Variants in TRAPPC9 observed in about 807,000 individuals in gnomAD.
The protein encoded by TRAPPC9 is trafficking protein particle complex subunit 9.
A neutral mutation model predicts 124.0 loss-of-function variants in TRAPPC9; 83 were observed. The ratio of observed to expected loss-of-function variants is 0.67; its 90% CI spans 0.56 to 0.80. The LOEUF (loss-of-function observed/expected upper bound fraction) is 0.80. TRAPPC9 is among the 30% of genes least tolerant of loss of function. TRAPPC9 has a pLI of 0.00. For synonymous variants in TRAPPC9, 638 were observed against 617.5 expected, an observed-to-expected ratio of 1.03 and a Z score of -0.49; for missense variants, 1,302 against 1,508.3, an observed-to-expected ratio of 0.86 and a Z score of 2.27.
intron 3 of TRAPPC9, among the ~76,000 whole-genome samples, chr8:140,436,910 C>A (rs1200584342): frequency 6.6e-6 from 1 of 152,116 alleles, no homozygotes; most frequent in Non-Finnish European, 1.5e-5. Flanking sequence ...TTTCTTTCCC[C>A]ACTTCTATTT....
At chr8:139,932,265 G>A (rs1833201009) in intron 19 of TRAPPC9, 1 of 454,112 alleles carries the variant, frequency 2.2e-6, no homozygotes, top group Admixed American at 2.4e-5. Flanking sequence ...GCACCACGGG[G>A]CCTCGCTCAG....
At chr8:139,805,735 A>G (rs1824002224) in intron 21 of TRAPPC9, among the ~76,000 whole-genome samples, 1 of 152,202 alleles carries the variant, frequency 6.6e-6, no homozygotes, top group Non-Finnish European at 1.5e-5. Context: ...GACATGTATT[A>G]AAAAGATCAA....
At chr8:140,138,022 C>T (rs1330166426) in intron 17 of TRAPPC9, among the ~76,000 whole-genome samples, 1 of 152,142 alleles carries the variant, frequency 6.6e-6, no homozygotes, top group Admixed American at 6.5e-5. Flanking sequence ...AGCAGCTGAC[C>T]GGGTGCACTG....
At chr8:139,918,654 C>T (rs1170672189) in intron 19 of TRAPPC9, among the ~76,000 whole-genome samples, 1 of 152,248 alleles carries the variant, frequency 6.6e-6, no homozygotes, top group Non-Finnish European at 1.5e-5. Context: ...GGAGCTTCTC[C>T]CTCCATCCCA....
intron 17 of TRAPPC9, among the ~76,000 whole-genome samples, chr8:140,060,651 C>T (rs983235422): frequency 2.6e-5 from 4 of 151,932 alleles, no homozygotes; most frequent in African/African-American, 4.8e-5. Flanking sequence ...CGGGCACTAC[C>T]GAATTGGCTT....
chr8:139,870,905 G>A (rs1244004722), intron 21 of TRAPPC9, among the ~76,000 whole-genome samples: 1 of 152,222 alleles, frequency 6.6e-6, no homozygotes, highest in African/African-American at 2.4e-5. Flanking sequence ...CATGCAGTGG[G>A]AGAAAGGCTT....
chr8:140,177,878 T>C (rs2062105279), intron 17 of TRAPPC9, among the ~76,000 whole-genome samples: 2 of 152,156 alleles, frequency 1.3e-5, no homozygotes, highest in African/African-American at 4.8e-5. Context: ...GCACATCTTT[T>C]CTTAAATTTA....
chr8:139,992,710 T>A (rs989531379), intron 18 of TRAPPC9, among the ~76,000 whole-genome samples: 2 of 148,952 alleles, frequency 1.3e-5, no homozygotes, highest in African/African-American at 5.0e-5. Context: ...CTTGGGGCAG[T>A]GACAGAGAAA....
intron 9 of TRAPPC9, among the ~76,000 whole-genome samples, chr8:140,327,326 T>C (rs1188469208): frequency 6.6e-6 from 1 of 152,152 alleles, no homozygotes; most frequent in African/African-American, 2.4e-5. Flanking sequence ...AAATAGTACA[T>C]CTGCTGTGCC....
At chr8:140,330,923 C>T (rs866886124) in intron 9 of TRAPPC9, among the ~76,000 whole-genome samples, 2 of 151,914 alleles carry the variant, frequency 1.3e-5, no homozygotes, top group South Asian at 2.1e-4. Context: ...GAACTAATCC[C>T]TATCAAAATA....
At chr8:140,105,665 A>AAG (rs2060650684) in intron 17 of TRAPPC9, among the ~76,000 whole-genome samples, 1 of 152,140 alleles carries the variant, frequency 6.6e-6, no homozygotes, top group African/African-American at 2.4e-5. Context: ...TAGATCTAGC[A>AAG]GTACCTCCTC....
At chr8:140,012,563 A>T (rs1236213112) in intron 18 of TRAPPC9, among the ~76,000 whole-genome samples, 1 of 152,248 alleles carries the variant, frequency 6.6e-6, no homozygotes, top group African/African-American at 2.4e-5. Context: ...AACTTGCCCA[A>T]CATGGCAGAG....
intron 20 of TRAPPC9, among the ~76,000 whole-genome samples, chr8:139,894,082 C>G (rs967748803): frequency 6.6e-6 from 1 of 152,260 alleles, no homozygotes. Flanking sequence ...TCGGCCACAC[C>G]AGCCCTGCGT....
chr8:139,958,345 A>G (rs11994113), intron 19 of TRAPPC9, among the ~76,000 whole-genome samples: 18,436 of 152,010 alleles, frequency 0.12, 1,205 homozygotes, highest in African/African-American at 0.17. Context: ...TCCTTTCCCC[A>G]TTATCTCAGC....
intron 8 of TRAPPC9, among the ~76,000 whole-genome samples, chr8:140,369,538 T>G (rs945247081): frequency 6.6e-6 from 1 of 152,214 alleles, no homozygotes; most frequent in African/African-American, 2.4e-5. Flanking sequence ...TAATTCAACG[T>G]TGGGGAGAGC....
At position 140,156,926 on chromosome 8, in the gene TRAPPC9, T is replaced by C. The variant is rs191555607; in HGVS notation, c.2556+64533A>G. Among the ~76,000 whole-genome samples, 29 of 149,210 alleles carry C rather than the reference T, an allele frequency of 1.9e-4. 1 individual carries two copies. Among genetic ancestry groups the C allele is most frequent in the African/African-American group, 6.4e-4 (26 of 40,492 alleles). On this transcript the variant is annotated intron_variant, in intron 17 of 22. Coordinates refer to ENST00000438773, the MANE Select transcript of TRAPPC9 (RefSeq NM_001160372.4). ...GAAAGCTATTGTGCTGCAGGAAACA[T>C]TGGAAAAGCCTCCCTTTCCATTCAA...
rs564571467 is a variant in TRAPPC9 at position 139,740,538 on chromosome 8, A to C, written c.3056-8336T>G. ...TCTCACTCAGCGCCCACATCCTCCT[A>C]AGAGGTCAGAGAGCAGGTGCAGCTT... On this transcript the variant is annotated intron_variant, in intron 21 of 22. Transcript: ENST00000438773. Among the ~76,000 whole-genome samples the C allele has an allele frequency of 2.0e-5, 3 of 152,282 alleles. No individual in the cohort carries two copies. In the South Asian group the frequency reaches 6.2e-4, roughly 32 times the overall value.
chr8:139,814,921 A>C (rs1824724032), intron 21 of TRAPPC9, among the ~76,000 whole-genome samples: 2 of 152,200 alleles, frequency 1.3e-5, no homozygotes, highest in South Asian at 2.1e-4. Flanking sequence ...CCTTGAGGAC[A>C]GACATGGCCG....
rs370799613 is a variant in TRAPPC9, at chr8:140,187,908, A to C, written c.2556+33551T>G. Among the ~76,000 whole-genome samples the C allele has an allele frequency of 4.7e-4, 72 of 152,242 alleles. 2 individuals carry two copies. In the South Asian group the frequency reaches 0.014, roughly 30 times the overall value. ...CAGGCTGGTCTCAACTTCTGGGCTC[A>C]AGTGATCTGCCTGCCTTGGCCTCCC... On this transcript the variant is annotated intron_variant, in intron 17 of 22. Transcript: ENST00000438773.
Sources: gnomAD v4.1 joint callset for allele counts (sites outside exome capture counted in the v4.1 genomes callset) on GRCh38, gnomAD v4.1.1 for gene constraint, MANE v1.5 for transcripts, NCBI Gene and HGNC (gene_info 2026-07-23, HGNC 2026-07-21) for gene names.